Variants in MTSS2 observed in about 807,000 individuals in gnomAD.
MTSS2 encodes protein MTSS 2.
Under a neutral mutation model 67.1 loss-of-function variants are expected in MTSS2, and 27 were observed. The observed-to-expected ratio is 0.40, with a 90% CI of 0.30 to 0.55. The LOEUF is 0.55. Ranked by LOEUF, MTSS2 falls within the 20% of genes least tolerant of loss-of-function variation. MTSS2 has a pLI of 0.43. For missense variants in MTSS2, 1,171 were observed against 1,067.8 expected (o/e 1.10, Z -1.35); for synonymous variants, 624 against 468.6 (o/e 1.33, Z -4.28).
At chr16:70,668,560 G>A (rs1300322597) in intron 11 of MTSS2, among the ~76,000 whole-genome samples, 2 of 152,200 alleles carry the variant, frequency 1.3e-5, no homozygotes, top group Admixed American at 1.3e-4. Flanking sequence ...GATGAAGGCA[G>A]CACTGCTGTG....
chr16:70,665,424 G>A (rs745365986), intron 12 of MTSS2, 42 bp downstream of exon 12: 6 of 1,529,626 alleles, frequency 3.9e-6, no homozygotes, highest in South Asian at 1.2e-5. Context: ...GGATGGGAGG[G>A]GCAGCTGGTG....
At position 70,661,692 on chromosome 16, in the gene MTSS2, C is replaced by T. The variant is rs1567474737; in HGVS notation, c.*1985G>A. ...GGGATGGAGTAGAGTATGTACAGCC[C>T]CCGGGGCTCACAGGGGAGGGGGACG... On this transcript the variant is annotated 3_prime_UTR_variant, in exon 15 of 15. Transcript: ENST00000338779. 7.8e-6 allele frequency: 2 copies of T among 255,396 alleles called. No individual in the cohort carries two copies. Among genetic ancestry groups the T allele is most frequent in the South Asian group, 8.1e-5 (2 of 24,556 alleles). The allele number at this position is 255,396 out of a possible 1,614,324, so 15.8% of individuals were successfully genotyped here.
At chr16:70,674,274 C>A in intron 11 of MTSS2, 32 bp downstream of exon 11, 1 of 1,599,406 alleles carries the variant, frequency 6.3e-7, no homozygotes, top group Non-Finnish European at 8.5e-7. Context: ...TGCTGCACCC[C>A]ACCCTGACTG....
At chr16:70,677,664 G>A in intron 9 of MTSS2, 128 bp downstream of exon 9, 1 of 706,772 alleles carries the variant, frequency 1.4e-6, no homozygotes, top group Non-Finnish European at 2.4e-6. Flanking sequence ...GTCAGAAGGG[G>A]TCTGGTCTTA....
Position 70,679,295 on chromosome 16 carries a change from G to A in MTSS2, c.466+20C>T, listed in dbSNP as rs1345964544. On this transcript the variant is annotated intron_variant, in intron 7 of 14. Coordinates refer to ENST00000338779, the MANE Select transcript of MTSS2 (RefSeq NM_138383.3). Reference sequence around the variant, plus strand: ...GACAAGGACGGGAGGAGCAGCTGGAGGGACCGACATTTGACTTACCAAGTA... The same window carrying A: ...GACAAGGACGGGAGGAGCAGCTGGAAGGACCGACATTTGACTTACCAAGTA... 1 of 1,613,900 alleles carries A rather than the reference G, an allele frequency of 6.2e-7. No individual in the cohort carries two copies. The highest frequency in any genetic ancestry group is 1.1e-5 in the South Asian group (1 of 91,080).
At chr16:70,682,663 G>A (rs550905849) in intron 1 of MTSS2, among the ~76,000 whole-genome samples, 20 of 140,124 alleles carry the variant, frequency 1.4e-4, no homozygotes, top group Admixed American at 1.1e-3. Context: ...CCCTCCCCAC[G>A]GTAACCACAT....
At chr16:70,678,559 CTG>C in intron 7 of MTSS2, 150 bp from the exon 8 acceptor site, 5 of 874,768 alleles carry the variant, frequency 5.7e-6, no homozygotes, top group Admixed American at 5.9e-5. Flanking sequence ...AGTGAGGACT[CTG>C]GGGCTTGTGG....
rs1009191110 is a variant in MTSS2, at chr16:70,680,728, C to G, written c.205+66G>C. 23 of 1,420,368 alleles carry G rather than the reference C, an allele frequency of 1.6e-5. No homozygotes were observed. The African/African-American group carries it at 2.3e-4, about 14-fold the overall frequency. 88.0% of individuals were successfully genotyped at this position (1,420,368 alleles called of 1,614,324 possible). On this transcript the variant is annotated intron_variant, in intron 3 of 14. Transcript: ENST00000338779. ...CGTCCTTTCCCTGGCCCATCCCCTA[C>G]TCTTCCTTTCCAGCCTCCAGGCCCA...
intron 12 of MTSS2, 85 bp from the exon 13 acceptor site, chr16:70,665,181 G>T (rs1177026714): frequency 9.0e-6 from 13 of 1,446,178 alleles, no homozygotes; most frequent in Non-Finnish European, 1.2e-5. Context: ...TGAGGCTCAG[G>T]GTGTCCAGGG....
In MTSS2 at chr16:70,661,499, T is replaced by TGAAAA. The variant is rs746140308; in HGVS notation, c.*2173_*2177dup. 7.7e-5 allele frequency: 27 copies of TGAAAA among 351,908 alleles called. No homozygotes were observed. The highest frequency in any genetic ancestry group is 2.2e-4 in the African/African-American group (10 of 46,404). 21.8% of individuals were successfully genotyped at this position (351,908 alleles called of 1,614,324 possible). A position where few individuals can be genotyped will look rare whatever the true frequency, so the allele number is the denominator to read the frequency against. On this transcript the variant is annotated 3_prime_UTR_variant, in exon 15 of 15. Transcript: ENST00000338779. ...AGTTACTTCAGTCAAAAGACGCTTT[T>TGAAAA]GAAAAGAATATTTCTCCGTACAAAA... is the stretch of plus-strand genomic sequence containing the variant.
Position 70,663,621 on chromosome 16 carries a change from A to C in MTSS2, c.*56T>G. 4 of 1,487,540 alleles carry C rather than the reference A, an allele frequency of 2.7e-6. No individual in the cohort carries two copies. Among genetic ancestry groups the C allele is most frequent in the Non-Finnish European group, 3.6e-6 (4 of 1,117,726 alleles). 92.1% of individuals were successfully genotyped at this position (1,487,540 alleles called of 1,614,324 possible). Reference sequence around the variant, plus strand: ...CCTTTGCTCTGAGTGCCTGCGGCTCACAGACCAGGCCACCTGCTCGCACTG... The same window carrying C: ...CCTTTGCTCTGAGTGCCTGCGGCTCCCAGACCAGGCCACCTGCTCGCACTG... On this transcript the variant is annotated 3_prime_UTR_variant, in exon 15 of 15. Coordinates refer to ENST00000338779, the MANE Select transcript of MTSS2 (RefSeq NM_138383.3).
intron 12 of MTSS2, 24 bp from the exon 13 acceptor site, chr16:70,665,120 A>T (rs1567485379): frequency 6.3e-7 from 1 of 1,578,154 alleles, no homozygotes; most frequent in South Asian, 1.1e-5. Context: ...GTGGCAGGTC[A>T]GGGGGACCAC....
chr16:70,685,622 C>T lies in MTSS2; in HGVS notation c.69+101G>A, dbSNP rs1597834258. The T allele has an allele frequency of 2.0e-5, 13 of 664,128 alleles. No individual in the cohort carries two copies. The South Asian group carries it at 3.4e-4, about 18-fold the overall frequency. 41.1% of individuals were successfully genotyped at this position (664,128 alleles called of 1,614,324 possible). Reference sequence around the variant, plus strand: ...CGCTCAGACAAGGACACACAGACACCGCGGCGCGCGGCCACACGAGGCTCG... The same window carrying T: ...CGCTCAGACAAGGACACACAGACACTGCGGCGCGCGGCCACACGAGGCTCG... On this transcript the variant is annotated intron_variant, in intron 1 of 14. Coordinates refer to ENST00000338779, the MANE Select transcript of MTSS2 (RefSeq NM_138383.3).
chr16:70,679,932 G>GCCCCCCCCCCCCCAGCCCCC, intron 4 of MTSS2, 39 bp downstream of exon 4: 1 of 709,086 alleles, frequency 1.4e-6, no homozygotes, highest in Non-Finnish European at 2.2e-6. Flanking sequence ...GCGACGCCCC[G>GCCCCCCCCCCCCCAGCCCCC]TCCCCCCGCC....
rs907998816 is a variant in MTSS2, at chr16:70,662,596, C to G, written c.*1081G>C. ...GCTACGCTCGAGACACTGGAGAGAA[C>G]AGTAGCTTCCACCGGGCTCTGGGGG... On this transcript the variant is annotated 3_prime_UTR_variant, in exon 15 of 15. Transcript: ENST00000338779. 6.6e-6 allele frequency: 1 copy of G among 152,484 alleles called. No homozygotes were observed. Among genetic ancestry groups the G allele is most frequent in the Non-Finnish European group, 1.5e-5 (1 of 68,120 alleles). 9.4% of individuals were successfully genotyped at this position (152,484 alleles called of 1,614,324 possible). A position where few individuals can be genotyped will look rare whatever the true frequency, so the allele number is the denominator to read the frequency against.
chr16:70,665,516 C>G lies in MTSS2; in HGVS notation c.1078G>C (p.Glu360Gln), dbSNP rs898907791. ...SQKSSSSASS[E>Q]ASETCQSVSE... ...ACGGACTGGCAGGTTTCCGAGGCCT[C>G]GGAAGATGCAGAGCTGGAGGACTTC... Residue 360 changes from glutamate (E) to glutamine (Q), a missense_variant, in exon 12 of 15, where the codon GAG (glutamate) becomes CAG (glutamine). Glu to Gln is a conservative substitution (Grantham distance 29). Around this residue, in one of 2 missense-constraint regions of MTSS2, gnomAD observed 924 missense variants for 756.0 expected, o/e 1.22. Coordinates refer to ENST00000338779, the MANE Select transcript of MTSS2 (RefSeq NM_138383.3). The G allele has an allele frequency of 1.9e-6, 3 of 1,548,216 alleles. No homozygotes were observed. Among genetic ancestry groups the G allele is most frequent in the Non-Finnish European group, 2.6e-6 (3 of 1,147,404 alleles).
intron 11 of MTSS2, chr16:70,665,812 C>A: frequency 3.1e-6 from 1 of 325,852 alleles, no homozygotes; most frequent in South Asian, 7.7e-5. Flanking sequence ...TCACTGCTGA[C>A]GGCCTGGATA....
At chr16:70,665,206 C>G (rs1447974091) in intron 12 of MTSS2, 110 bp from the exon 13 acceptor site, 2 of 1,297,788 alleles carry the variant, frequency 1.5e-6, no homozygotes, top group Non-Finnish European at 2.1e-6. Flanking sequence ...CAGGGGGTCT[C>G]TGGTTCGCAA....
intron 10 of MTSS2, 152 bp downstream of exon 10, chr16:70,676,729 T>G: frequency 1.5e-6 from 1 of 659,268 alleles, no homozygotes; most frequent in African/African-American, 1.8e-5. Context: ...ACAGGGCACA[T>G]TTTCCCTCTA....
Sources: allele counts gnomAD v4.1 joint callset (sites outside exome capture counted in the v4.1 genomes callset), GRCh38; gene constraint gnomAD v4.1.1; regional missense constraint gnomAD v4.1.1; transcripts MANE v1.5; gene names NCBI Gene and HGNC (gene_info 2026-07-23, HGNC 2026-07-21).